ADAMTS14: variants seen among roughly 807,000 people sequenced by gnomAD.
ADAMTS14 encodes ADAM metallopeptidase with thrombospondin type 1 motif 14.
In ADAMTS14, 100 loss-of-function variants were observed where a neutral mutation model predicts 128.6. The observed-to-expected ratio is 0.78, with a 90% CI of 0.66 to 0.92. ADAMTS14 has a LOEUF of 0.92. ADAMTS14 is among the 40% of genes least tolerant of loss of function. The probability of loss-of-function intolerance (pLI) is 0.00; values close to 1 mark genes in which losing one functional copy is unlikely to be tolerated. For missense variants in ADAMTS14, 1,562 were observed against 1,658.6 expected (o/e 0.94, Z 1.01); for synonymous variants, 665 against 653.8 (o/e 1.02, Z -0.26).
intron 19 of ADAMTS14, among the ~76,000 whole-genome samples, chr10:70,756,264 A>G (rs572842164): frequency 1.3e-5 from 2 of 152,350 alleles, no homozygotes; most frequent in African/African-American, 4.8e-5. Context: ...GAATAACTCC[A>G]TACTTTTCTG....
chr10:70,725,092 T>C (rs1841386024), intron 4 of ADAMTS14, among the ~76,000 whole-genome samples: 1 of 152,186 alleles, frequency 6.6e-6, no homozygotes, highest in Non-Finnish European at 1.5e-5. Context: ...TTTATCTCGG[T>C]GCTTAGATGG....
At chr10:70,722,449 G>A (rs1388180999) in intron 4 of ADAMTS14, among the ~76,000 whole-genome samples, 1 of 152,124 alleles carries the variant, frequency 6.6e-6, no homozygotes, top group South Asian at 2.1e-4. Flanking sequence ...CCAAGGCCTG[G>A]GCTTGTCCTC....
intron 17 of ADAMTS14, 74 bp downstream of exon 17, chr10:70,751,720 G>T (rs1476571762): frequency 3.4e-5 from 53 of 1,538,386 alleles, no homozygotes; most frequent in Non-Finnish European, 4.5e-5. Context: ...GTGGGGGACT[G>T]ATGTTGTCTC....
At chr10:70,711,779 G>A (rs10823601) in intron 4 of ADAMTS14, among the ~76,000 whole-genome samples, 27,222 of 152,132 alleles carry the variant, frequency 0.18, 3,255 homozygotes, top group Non-Finnish European at 0.26. Flanking sequence ...ATTGGTAAAC[G>A]TGGAGGCGAA....
At chr10:70,711,818 G>A (rs151290826) in intron 4 of ADAMTS14, among the ~76,000 whole-genome samples, 130 of 152,216 alleles carry the variant, frequency 8.5e-4, no homozygotes, top group African/African-American at 2.8e-3. Context: ...CGGGTGGCCG[G>A]CACCCATTGA....
intron 2 of ADAMTS14, among the ~76,000 whole-genome samples, chr10:70,682,350 A>T (rs530990757): frequency 4.6e-5 from 7 of 152,176 alleles, no homozygotes; most frequent in South Asian, 2.1e-4. Flanking sequence ...TTTTTAGGTA[A>T]TTCTTAAGCC....
intron 16 of ADAMTS14, among the ~76,000 whole-genome samples, chr10:70,750,919 T>C (rs1355371846): frequency 6.6e-6 from 1 of 152,074 alleles, no homozygotes; most frequent in African/African-American, 2.4e-5. Flanking sequence ...GAGGGGCAAA[T>C]CTTTATGACC....
At chr10:70,747,330 C>G (rs568437486) in intron 15 of ADAMTS14, among the ~76,000 whole-genome samples, 1 of 152,288 alleles carries the variant, frequency 6.6e-6, no homozygotes, top group South Asian at 2.1e-4. Context: ...CAGAGCCAGT[C>G]TGGGCCCAGG....
intron 3 of ADAMTS14, among the ~76,000 whole-genome samples, chr10:70,704,810 A>G (rs1341237453): frequency 6.6e-6 from 1 of 151,214 alleles, no homozygotes; most frequent in East Asian, 2.0e-4. Context: ...GACACACACC[A>G]TCTATACCCT....
At chr10:70,720,935 C>T (rs1000277591) in intron 4 of ADAMTS14, among the ~76,000 whole-genome samples, 1 of 150,958 alleles carries the variant, frequency 6.6e-6, no homozygotes, top group Non-Finnish European at 1.5e-5. Context: ...TCCTTAAGAA[C>T]GAAAAAGTGT....
chr10:70,702,393 A>C lies in ADAMTS14; in HGVS notation c.604A>C (p.Arg202=), dbSNP rs373981364. The C allele has an allele frequency of 3.1e-6, 5 of 1,613,938 alleles. No homozygotes were observed. The highest frequency in any genetic ancestry group is 4.2e-6 in the Non-Finnish European group (5 of 1,179,976). The part of the protein sequence containing the change: ...RGQQEKEASG[R]THVVYRREAV... ...CCAGCAGGAGAAGGAGGCCAGCGGG[A>C]GGACACATGTGGTGTACCGCCGGGA... The change falls in exon 3 of 22, where the codon AGG becomes CGG. Residue 202 remains arginine, a synonymous_variant. Coordinates refer to ENST00000373207, the MANE Select transcript of ADAMTS14 (RefSeq NM_080722.4).
chr10:70,679,780 C>T (rs967423262), intron 2 of ADAMTS14, among the ~76,000 whole-genome samples: 2 of 152,244 alleles, frequency 1.3e-5, no homozygotes, highest in African/African-American at 4.8e-5. Context: ...TTTCCACTCT[C>T]TGCAGATCTT....
intron 10 of ADAMTS14, 41 bp from the exon 11 acceptor site, chr10:70,738,801 C>A: frequency 6.2e-7 from 1 of 1,612,494 alleles, no homozygotes; most frequent in South Asian, 1.1e-5. Context: ...GGCTCAGCAG[C>A]AGCAGCCCAG....
Position 70,752,294 on chromosome 10 carries a change from C to T in ADAMTS14, c.2729+67C>T, listed in dbSNP as rs1272901156. ...CTAGCCCGGGCCCCAGGCAGCGGGG[C>T]TGCTGAGCCTGCTCCCCTCAGCACT... On this transcript the variant is annotated intron_variant, in intron 18 of 21. Coordinates refer to ENST00000373207, the MANE Select transcript of ADAMTS14 (RefSeq NM_080722.4). 3.8e-6 allele frequency: 6 copies of T among 1,578,306 alleles called. No homozygotes were observed. In the East Asian group the frequency reaches 1.4e-4, roughly 36 times the overall value.
chr10:70,703,362 G>C (rs1430687183), intron 3 of ADAMTS14, among the ~76,000 whole-genome samples: 1 of 152,248 alleles, frequency 6.6e-6, no homozygotes, highest in Non-Finnish European at 1.5e-5. Flanking sequence ...TGACTGGACC[G>C]CATCCTTGTG....
intron 3 of ADAMTS14, among the ~76,000 whole-genome samples, chr10:70,703,815 G>A (rs1163400981): frequency 6.6e-6 from 1 of 152,214 alleles, no homozygotes; most frequent in Non-Finnish European, 1.5e-5. Context: ...AAGAAATGTG[G>A]CTGCGACTCT....
chr10:70,680,749 C>G lies in ADAMTS14; in HGVS notation c.522+5754C>G, dbSNP rs142022447. 3.5e-3 allele frequency among the ~76,000 whole-genome samples: 530 copies of G among 152,284 alleles called. 1 individual carries two copies. Among genetic ancestry groups the G allele is most frequent in the African/African-American group, 0.012 (505 of 41,554 alleles). ...CTCCGCCTCCTGGGTTCAAGTGATT[C>G]TCCTGTCTCAGCCTCCTGAGCATCT... On this transcript the variant is annotated intron_variant, in intron 2 of 21. Coordinates refer to ENST00000373207, the MANE Select transcript of ADAMTS14 (RefSeq NM_080722.4).
intron 4 of ADAMTS14, among the ~76,000 whole-genome samples, chr10:70,727,284 C>G (rs1841467529): frequency 6.6e-6 from 1 of 152,236 alleles, no homozygotes; most frequent in Non-Finnish European, 1.5e-5. Context: ...CACCCCTTGC[C>G]ATGGGACTGT....
chr10:70,726,546 CA>C (rs1300374102), intron 4 of ADAMTS14, among the ~76,000 whole-genome samples: 4 of 152,204 alleles, frequency 2.6e-5, no homozygotes, highest in African/African-American at 9.7e-5. Flanking sequence ...GCAGAGCGTG[CA>C]TTGCCTGTGA....
Sources: gnomAD v4.1 joint callset for allele counts (sites outside exome capture counted in the v4.1 genomes callset) on GRCh38, gnomAD v4.1.1 for gene constraint, MANE v1.5 for transcripts, NCBI Gene and HGNC (gene_info 2026-07-23, HGNC 2026-07-21) for gene names.